The following CDK5RAP2 variants were observed in gnomAD, a reference collection of about 807,000 sequenced individuals.
The protein encoded by CDK5RAP2 is CDK5 regulatory subunit associated protein 2.
In CDK5RAP2, 147 loss-of-function variants were observed where a neutral mutation model predicts 232.9. That is an observed-to-expected ratio of 0.63 (90% CI 0.55 to 0.72). CDK5RAP2 has a LOEUF of 0.72. Among genes scored for constraint, CDK5RAP2 ranks in the 30% least tolerant of loss-of-function variants. The pLI, the probability that CDK5RAP2 is intolerant of heterozygous loss-of-function variation, is 0.00. For missense variants in CDK5RAP2, 2,195 were observed against 2,231.5 expected (o/e 0.98, Z 0.33); for synonymous variants, 833 against 833.7 (o/e 1.00, Z 0.01).
rs768888939 is a variant in CDK5RAP2 at position 120,439,612 on chromosome 9, G to A, written c.3509C>T (p.Thr1170Ile). 6.2e-7 allele frequency: 1 copy of A among 1,614,174 alleles called. No individual in the cohort carries two copies. Among genetic ancestry groups the A allele is most frequent in the Admixed American group, 1.7e-5 (1 of 60,020 alleles). The change falls in exon 24 of 38, where the codon ACC (threonine) becomes ATC (isoleucine). Residue 1170 changes from threonine to isoleucine, a missense_variant. Coordinates refer to ENST00000349780, the MANE Select transcript of CDK5RAP2 (RefSeq NM_018249.6). ...TCGCACTTGGTGCAAACTTGAAAAG[G>A]TCATTTCTTCCCCATCAGAACCATT... is the stretch of plus-strand genomic sequence containing the variant. ...PKNGSDGEEM[T>I]FSSLHQVRYV...
intron 11 of CDK5RAP2, among the ~76,000 whole-genome samples, chr9:120,520,647 AAT>A (rs200559827): frequency 9.9e-5 from 15 of 151,940 alleles, no homozygotes; most frequent in Admixed American, 8.5e-4. Flanking sequence ...TGTCTCAAAA[AAT>A]ATATATATAT....
intron 32 of CDK5RAP2, among the ~76,000 whole-genome samples, chr9:120,405,994 G>A (rs570014221): frequency 1.4e-4 from 21 of 152,304 alleles, no homozygotes; most frequent in Admixed American, 4.6e-4. Flanking sequence ...AATGATCAAT[G>A]TGTAGAATCA....
intron 12 of CDK5RAP2, 140 bp downstream of exon 12, chr9:120,518,287 G>T: frequency 1.7e-6 from 1 of 572,208 alleles, no homozygotes; most frequent in Non-Finnish European, 3.1e-6. Flanking sequence ...ATCAAATGAA[G>T]CTGGTCATTT....
chr9:120,577,177 C>T lies in CDK5RAP2; in HGVS notation c.59+2743G>A, dbSNP rs1265165386. Among the ~76,000 whole-genome samples, 5 of 152,072 alleles carry T rather than the reference C, an allele frequency of 3.3e-5. No homozygotes were observed. In the East Asian group the frequency reaches 9.6e-4, roughly 29 times the overall value. ...AGGAGTTCAAGACCAGCCTGGTCAA[C>T]CTGGTGAAACCCCGTCTCTACCAAA... On this transcript the variant is annotated intron_variant, in intron 1 of 37. Coordinates refer to ENST00000349780, the MANE Select transcript of CDK5RAP2 (RefSeq NM_018249.6).
chr9:120,529,968 G>T lies in CDK5RAP2; in HGVS notation c.825+10C>A. 1 of 1,613,498 alleles carries T rather than the reference G, an allele frequency of 6.2e-7. No individual in the cohort carries two copies. Among genetic ancestry groups the T allele is most frequent in the Non-Finnish European group, 8.5e-7 (1 of 1,179,704 alleles). ...AATTAAAGCCCCCTCTTCATGTCCTGTCACCTCACCTCAGTTTCTCTCTCC... is the reference window on the plus strand; with the variant it reads ...AATTAAAGCCCCCTCTTCATGTCCTTTCACCTCACCTCAGTTTCTCTCTCC... On this transcript the variant is annotated intron_variant, in intron 8 of 37. Transcript: ENST00000349780.
intron 2 of CDK5RAP2, among the ~76,000 whole-genome samples, chr9:120,571,490 AC>A (rs1206815721): frequency 1.3e-5 from 2 of 152,242 alleles, no homozygotes; most frequent in Admixed American, 1.3e-4. Context: ...ACAGTACGCT[AC>A]TTATTTACTC....
intron 31 of CDK5RAP2, 96 bp from the exon 32 acceptor site, chr9:120,407,344 T>C (rs1431377921): frequency 2.3e-6 from 2 of 888,038 alleles, no homozygotes; most frequent in African/African-American, 1.6e-5. Context: ...ACCACCACCA[T>C]CGCCCTCCCC....
At chr9:120,451,577 G>A (rs2036481615) in intron 21 of CDK5RAP2, among the ~76,000 whole-genome samples, 1 of 151,990 alleles carries the variant, frequency 6.6e-6, no homozygotes, top group Non-Finnish European at 1.5e-5. Flanking sequence ...AACTACCAAA[G>A]ACCACAAAAA....
chr9:120,552,587 G>T (rs559997233), intron 3 of CDK5RAP2, among the ~76,000 whole-genome samples: 1 of 150,626 alleles, frequency 6.6e-6, no homozygotes, highest in Admixed American at 6.7e-5. Flanking sequence ...GCAAACTATC[G>T]CAAGGATAAA....
chr9:120,518,907 T>C (rs987696388), intron 11 of CDK5RAP2, among the ~76,000 whole-genome samples: 2 of 152,170 alleles, frequency 1.3e-5, no homozygotes, highest in Non-Finnish European at 2.9e-5. Flanking sequence ...CTGGGCACAG[T>C]GGCTCACACC....
At chr9:120,486,152 C>T (rs1484262997) in intron 14 of CDK5RAP2, among the ~76,000 whole-genome samples, 2 of 152,154 alleles carry the variant, frequency 1.3e-5, no homozygotes, top group Admixed American at 1.3e-4. Flanking sequence ...GGGACCTCCC[C>T]ATGAGGTCCC....
At chr9:120,526,003 G>A (rs1456656127) in intron 10 of CDK5RAP2, among the ~76,000 whole-genome samples, 4 of 152,178 alleles carry the variant, frequency 2.6e-5, no homozygotes, top group East Asian at 1.9e-4. Context: ...CAGTTTCCTC[G>A]TTAGTGTCCT....
At chr9:120,396,040 T>C (rs1000318776) in intron 35 of CDK5RAP2, among the ~76,000 whole-genome samples, 4 of 152,244 alleles carry the variant, frequency 2.6e-5, no homozygotes, top group Non-Finnish European at 4.4e-5. Context: ...AGCAGACCCA[T>C]ATTCAAAAGA....
chr9:120,452,345 A>G (rs1042209868), intron 21 of CDK5RAP2, among the ~76,000 whole-genome samples: 5 of 152,138 alleles, frequency 3.3e-5, no homozygotes, highest in African/African-American at 1.2e-4. Flanking sequence ...AACAATCAAA[A>G]GCAATTTTGC....
Position 120,409,130 on chromosome 9 carries a change from C to T in CDK5RAP2, c.4601G>A (p.Ser1534Asn). The part of the protein sequence containing the change: ...QEVRCSGQEL[S>N]RVQEEVKLRQ... ...ACCAGGGAAGCACAGCCACTACCTG[C>T]TCAGCTCCTGGCCGCTGCAGCGGAC... Residue 1534 changes from serine (S) to asparagine (N), a missense_variant, in exon 30 of 38, where the codon AGC (serine) becomes AAC (asparagine). Coordinates refer to ENST00000349780, the MANE Select transcript of CDK5RAP2 (RefSeq NM_018249.6). 6.2e-7 allele frequency: 1 copy of T among 1,611,480 alleles called. No individual in the cohort carries two copies.
At position 120,568,407 on chromosome 9, in the gene CDK5RAP2, G is replaced by T. The variant is rs372781942; in HGVS notation, c.128-19C>A. Reference sequence around the variant, plus strand: ...GGGAGCACTGTAAAAAGGTAAAATAGAGGAAAACGTCACAGCATGCAAACT... The same window carrying T: ...GGGAGCACTGTAAAAAGGTAAAATATAGGAAAACGTCACAGCATGCAAACT... On this transcript the variant is annotated intron_variant, in intron 2 of 37. Coordinates refer to ENST00000349780, the MANE Select transcript of CDK5RAP2 (RefSeq NM_018249.6). 1.4e-5 allele frequency: 22 copies of T among 1,584,448 alleles called. No individual in the cohort carries two copies. In the African/African-American group the frequency reaches 2.6e-4, roughly 18 times the overall value.
At chr9:120,487,173 T>C (rs940434744) in intron 14 of CDK5RAP2, 121 bp downstream of exon 14, 1 of 1,043,778 alleles carries the variant, frequency 9.6e-7, no homozygotes, top group African/African-American at 1.6e-5. Context: ...CTACCTGTTG[T>C]AGGCTCAGTT....
At chr9:120,568,530 A>C (rs1261170751) in intron 2 of CDK5RAP2, 142 bp from the exon 3 acceptor site, 7 of 746,426 alleles carry the variant, frequency 9.4e-6, no homozygotes, top group African/African-American at 1.7e-5. Context: ...TTTGTGATTT[A>C]CTGATTTTGC....
At chr9:120,576,887 G>C (rs558401849) in intron 1 of CDK5RAP2, among the ~76,000 whole-genome samples, 46 of 152,164 alleles carry the variant, frequency 3.0e-4, no homozygotes, top group Admixed American at 2.3e-3. Flanking sequence ...ACCAGCATGG[G>C]TAACAGAGCA....
Sources: gnomAD v4.1 joint callset for allele counts (sites outside exome capture counted in the v4.1 genomes callset) on GRCh38, gnomAD v4.1.1 for gene constraint, MANE v1.5 for transcripts, NCBI Gene and HGNC (gene_info 2026-07-23, HGNC 2026-07-21) for gene names.